The following PRKCA variants were observed in gnomAD, a reference collection of about 807,000 sequenced individuals.
PRKCA encodes the protein protein kinase C alpha.
Under a neutral mutation model 87.0 loss-of-function variants are expected in PRKCA, and 27 were observed. The observed-to-expected ratio is 0.31, with a 90% confidence interval of 0.23 to 0.43. PRKCA has a LOEUF of 0.43. PRKCA is among the 20% of genes least tolerant of loss of function. The pLI is 1.00. For synonymous variants in PRKCA, 329 were observed against 311.1 expected (o/e 1.06, Z -0.61); for missense variants, 518 against 852.3 (o/e 0.61, Z 4.88).
intron 5 of PRKCA, among the ~76,000 whole-genome samples, chr17:66,679,838 C>T (rs1029589292): frequency 2.6e-5 from 4 of 152,196 alleles, no homozygotes; most frequent in African/African-American, 4.8e-5. Flanking sequence ...GAAGCTTGCC[C>T]GAGCTCAGCT....
chr17:66,378,421 T>G (rs1381362989), intron 2 of PRKCA, among the ~76,000 whole-genome samples: 1 of 152,086 alleles, frequency 6.6e-6, no homozygotes, highest in Admixed American at 6.5e-5. Flanking sequence ...ATTTTGGTGG[T>G]TTTTTAGTAT....
At chr17:66,665,917 C>T (rs556666419) in intron 5 of PRKCA, among the ~76,000 whole-genome samples, 20 of 152,252 alleles carry the variant, frequency 1.3e-4, no homozygotes, top group African/African-American at 4.1e-4. Context: ...AGAGGAGTGG[C>T]GTGTAGCTCA....
At chr17:66,303,173 C>T in intron 1 of PRKCA, 149 bp downstream of exon 1, 1 of 1,115,638 alleles carries the variant, frequency 9.0e-7, no homozygotes, top group Admixed American at 3.2e-5. Context: ...GTGACACGCG[C>T]GCCCGGCCCT....
chr17:66,383,616 T>C (rs1567800972), intron 2 of PRKCA, among the ~76,000 whole-genome samples: 2 of 152,152 alleles, frequency 1.3e-5, no homozygotes, highest in Non-Finnish European at 2.9e-5. Context: ...TTAAGATAAA[T>C]TGCGATAGTT....
intron 13 of PRKCA, among the ~76,000 whole-genome samples, chr17:66,749,477 G>T (rs528553616): frequency 6.6e-6 from 1 of 152,270 alleles, no homozygotes; most frequent in East Asian, 1.9e-4. Context: ...ATTTGAACCT[G>T]CAAACCTCCA....
intron 2 of PRKCA, among the ~76,000 whole-genome samples, chr17:66,386,472 T>C (rs1910066158): frequency 6.6e-6 from 1 of 152,226 alleles, no homozygotes; most frequent in Non-Finnish European, 1.5e-5. Flanking sequence ...TTGCTTTATC[T>C]CTCATGTCTG....
Position 66,489,693 on chromosome 17 carries a change from G to A in PRKCA, c.206-6508G>A, listed in dbSNP as rs541052984. 1.4e-4 allele frequency among the ~76,000 whole-genome samples: 22 copies of A among 151,770 alleles called. No homozygotes were observed. In the South Asian group the frequency reaches 4.0e-3, roughly 27 times the overall value. ...GATTTTATTTAGAATTTTATAGAAT[G>A]GAAGCAAATTCATTCTTTCTTTCAT... On this transcript the variant is annotated intron_variant, in intron 2 of 16. Transcript: ENST00000413366.
At chr17:66,542,877 A>G in intron 3 of PRKCA, among the ~76,000 whole-genome samples, 1 of 152,226 alleles carries the variant, frequency 6.6e-6, no homozygotes, top group East Asian at 1.9e-4. Flanking sequence ...AACGAGGGTA[A>G]CATTTTAAAG....
intron 3 of PRKCA, among the ~76,000 whole-genome samples, chr17:66,604,935 G>C (rs189326240): frequency 2.6e-5 from 4 of 152,150 alleles, no homozygotes. Flanking sequence ...GTTAAACCAG[G>C]ATGGTAAAGA....
Position 66,687,095 on chromosome 17 carries a change from C to T in PRKCA, c.530-16C>T. ...TGTTCTCTTTTTGTAATATTTTCTT[C>T]CTTCTCTCTTCACAGTACGAGATGC... is the stretch of plus-strand genomic sequence containing the variant. On this transcript the variant is annotated splice_polypyrimidine_tract_variant and intron_variant, in intron 5 of 16. Transcript: ENST00000413366. 1 of 1,595,888 alleles carries T rather than the reference C, an allele frequency of 6.3e-7. No homozygotes were observed. The highest frequency in any genetic ancestry group is 8.6e-7 in the Non-Finnish European group (1 of 1,167,606).
intron 3 of PRKCA, among the ~76,000 whole-genome samples, chr17:66,620,507 A>G (rs76188596): frequency 0.032 from 4,938 of 152,318 alleles, 261 homozygotes; most frequent in African/African-American, 0.11. Flanking sequence ...GTGGCTACCG[A>G]TAGCTGCAGG....
intron 3 of PRKCA, among the ~76,000 whole-genome samples, chr17:66,620,071 A>G (rs1970632160): frequency 6.6e-6 from 1 of 152,228 alleles, no homozygotes. Context: ...CCATAAGCAC[A>G]TGCTCCATAC....
At chr17:66,668,140 CAG>C (rs1226483559) in intron 5 of PRKCA, among the ~76,000 whole-genome samples, 1 of 152,206 alleles carries the variant, frequency 6.6e-6, no homozygotes, top group African/African-American at 2.4e-5. Context: ...CTCAGATAAA[CAG>C]GGTCTTCGAC....
intron 2 of PRKCA, among the ~76,000 whole-genome samples, chr17:66,394,363 A>C (rs373041137): frequency 9.9e-5 from 15 of 152,274 alleles, no homozygotes; most frequent in African/African-American, 3.6e-4. Context: ...GTCAGGATGG[A>C]TTGGCAGGGG....
chr17:66,724,051 T>C (rs1973681381), intron 8 of PRKCA, among the ~76,000 whole-genome samples: 1 of 152,148 alleles, frequency 6.6e-6, no homozygotes, highest in African/African-American at 2.4e-5. Flanking sequence ...CAACCTTAAA[T>C]GTGCACAGGA....
In PRKCA at chr17:66,544,025, G is replaced by A. The variant is rs538928850; in HGVS notation, c.288+47742G>A. 7.2e-5 allele frequency among the ~76,000 whole-genome samples: 11 copies of A among 152,176 alleles called. No individual in the cohort carries two copies. In the East Asian group the frequency reaches 1.5e-3, roughly 21 times the overall value. ...TCAGGAGTTCGAGACCAGCCTGGCC[G>A]ACTTGGTGAAACCCTGACTGTACTA... On this transcript the variant is annotated intron_variant, in intron 3 of 16. Transcript: ENST00000413366.
chr17:66,414,315 G>A (rs1385642367), intron 2 of PRKCA, among the ~76,000 whole-genome samples: 1 of 152,106 alleles, frequency 6.6e-6, no homozygotes, highest in Non-Finnish European at 1.5e-5. Context: ...TTAAAAGTGT[G>A]TAGCACCTCC....
At chr17:66,461,448 G>A (rs947449519) in intron 2 of PRKCA, among the ~76,000 whole-genome samples, 1 of 152,124 alleles carries the variant, frequency 6.6e-6, no homozygotes, top group Non-Finnish European at 1.5e-5. Flanking sequence ...GAGTGCCCGT[G>A]TCACCTGAGT....
At chr17:66,580,673 T>C (rs1181161813) in intron 3 of PRKCA, among the ~76,000 whole-genome samples, 1 of 152,258 alleles carries the variant, frequency 6.6e-6, no homozygotes, top group Non-Finnish European at 1.5e-5. Context: ...ATATTGTCAG[T>C]GTGCGGTAAA....
Sources: allele counts gnomAD v4.1 joint callset (sites outside exome capture counted in the v4.1 genomes callset), GRCh38; gene constraint gnomAD v4.1.1; transcripts MANE v1.5; gene names NCBI Gene and HGNC (gene_info 2026-07-23, HGNC 2026-07-21).